ASB13: variants seen among roughly 807,000 people sequenced by gnomAD.
The protein encoded by ASB13 is ankyrin repeat and SOCS box protein 13.
ASB13 carries 33 observed loss-of-function variants against 28.8 expected under a neutral mutation model. The ratio of observed to expected loss-of-function variants is 1.15; its 90% CI spans 0.87 to 1.53. The LOEUF is 1.53. Ranked by LOEUF, ASB13 falls within the 40% of genes most tolerant of loss-of-function variation. The probability of loss-of-function intolerance (pLI) is 0.00; values close to 1 mark genes in which losing one functional copy is unlikely to be tolerated. For missense variants in ASB13, 414 were observed against 390.1 expected, an observed-to-expected ratio of 1.06 and a Z score of -0.52; for synonymous variants, 182 against 172.9, an observed-to-expected ratio of 1.05 and a Z score of -0.41.
In ASB13 at chr10:5,655,103, TA is replaced by T. The variant is rs75163537; in HGVS notation, c.44-2054del. ...GGCAACAAGAGTGAAACTCTGTCTTTAAAAAAAAAAAAAAAGTGTCTGCATC... is the reference window on the plus strand; with the variant it reads ...GGCAACAAGAGTGAAACTCTGTCTTTAAAAAAAAAAAAAAGTGTCTGCATC... On this transcript the variant is annotated intron_variant, in intron 1 of 5. Transcript: ENST00000357700. The surrounding 1 kb of genome is among the most constrained non-coding windows in gnomAD (Gnocchi z 6.2). Among the ~76,000 whole-genome samples, 1,780 of 140,420 alleles carry T rather than the reference TA, an allele frequency of 0.013. 19 individuals carry two copies. The highest frequency in any genetic ancestry group is 0.031 in the African/African-American group (1,201 of 38,358). The allele number at this position is 140,420 out of a possible 152,430, so 92.1% of individuals were successfully genotyped here.
At position 5,648,663 on chromosome 10, in the gene ASB13, C is replaced by T. The variant is rs187966960; in HGVS notation, c.517+307G>A. On this transcript the variant is annotated intron_variant, in intron 4 of 5. Coordinates refer to ENST00000357700, the MANE Select transcript of ASB13 (RefSeq NM_024701.4). ...ACACCCACGCGGGCAAACACCCACT[C>T]GGGCAAACACCCCCTCGGGTAAACA... Among the ~76,000 whole-genome samples the T allele has an allele frequency of 3.2e-3, 481 of 151,238 alleles. 1 individual carries two copies. Among genetic ancestry groups the T allele is most frequent in the South Asian group, 4.6e-3 (22 of 4,784 alleles).
rs1835126113 is a variant in ASB13 at position 5,659,544 on chromosome 10, T to TCCTTCC, written c.44-6500_44-6495dup. On this transcript the variant is annotated intron_variant, in intron 1 of 5. Transcript: ENST00000357700. This position sits in a 1 kb window ranked among gnomAD's most constrained non-coding sequence, Gnocchi z 5.8. ...AAGTCCCATGCTTTGCGTATGCTGT[T>TCCTTCC]CCTTCCCCTGCCTGGAAAGCTCTTC... Among the ~76,000 whole-genome samples, 1 of 152,180 alleles carries TCCTTCC rather than the reference T, an allele frequency of 6.6e-6. No individual in the cohort carries two copies. The highest frequency in any genetic ancestry group is 2.4e-5 in the African/African-American group (1 of 41,444).
rs1442972157 is a variant in ASB13, at chr10:5,663,995, G to A, written c.43+2514C>T. On this transcript the variant is annotated intron_variant, in intron 1 of 5. Transcript: ENST00000357700. The surrounding 1 kb of genome is among the most constrained non-coding windows in gnomAD (Gnocchi z 4.9). Reference sequence around the variant, plus strand: ...ACTCAACTGAGAGTACCTGGATGGGGAGACATAAATCCATATAAACAAGTA... The same window carrying A: ...ACTCAACTGAGAGTACCTGGATGGGAAGACATAAATCCATATAAACAAGTA... Among the ~76,000 whole-genome samples the A allele has an allele frequency of 6.6e-6, 1 of 152,106 alleles. No individual in the cohort carries two copies. Among genetic ancestry groups the A allele is most frequent in the Non-Finnish European group, 1.5e-5 (1 of 68,020 alleles).
intron 4 of ASB13, among the ~76,000 whole-genome samples, chr10:5,643,187 A>G (rs1037754334): frequency 6.6e-6 from 1 of 152,220 alleles, no homozygotes; most frequent in Admixed American, 6.5e-5. Context: ...CCACAAACAT[A>G]AAGTATTATC....
rs1834876737 is a variant in ASB13, at chr10:5,645,798, G to C, written c.517+3172C>G. Among the ~76,000 whole-genome samples the C allele has an allele frequency of 6.6e-6, 1 of 152,106 alleles. No individual in the cohort carries two copies. The highest frequency in any genetic ancestry group is 2.4e-5 in the African/African-American group (1 of 41,414). The stretch of plus-strand genomic sequence containing the variant: ...GAGACACGGTCCCTGGCTTTCCTTT[G>C]GTTTCCCGAGGGATCTGTGACCTGA... On this transcript the variant is annotated intron_variant, in intron 4 of 5. Coordinates refer to ENST00000357700, the MANE Select transcript of ASB13 (RefSeq NM_024701.4). The surrounding 1 kb of genome is among the most constrained non-coding windows in gnomAD (Gnocchi z 5.4).
Position 5,649,092 on chromosome 10 carries a change from C to T in ASB13, c.395G>A (p.Cys132Tyr), listed in dbSNP as rs931934295. The T allele has an allele frequency of 1.2e-6, 2 of 1,614,230 alleles. No homozygotes were observed. The highest frequency in any genetic ancestry group is 1.7e-6 in the Non-Finnish European group (2 of 1,180,034). The change falls in exon 4 of 6, where the codon TGT becomes TAT. Residue 132 changes from cysteine to tyrosine, a missense_variant. Transcript: ENST00000357700. This position sits in a 1 kb window ranked among gnomAD's most constrained non-coding sequence, Gnocchi z 6.4. ...HEACMSGSSE[C>Y]VRLLIDVGAN... ...CCCGACGTCAATAAGAAGCCTCACA[C>T]ATTCGGAACTCCCTTAAGATAAATG...
At chr10:5,653,398 C>A (rs1028987859) in intron 1 of ASB13, among the ~76,000 whole-genome samples, 4 of 152,222 alleles carry the variant, frequency 2.6e-5, no homozygotes, top group Non-Finnish European at 4.4e-5. Context: ...TGCCAATTGT[C>A]CACTCTGCAA....
chr10:5,654,234 G>T (rs543128605), intron 1 of ASB13, among the ~76,000 whole-genome samples: 11 of 150,800 alleles, frequency 7.3e-5, no homozygotes, highest in African/African-American at 1.2e-4. Flanking sequence ...AGGTGAGGGA[G>T]AGTCTGCGAA....
rs5782851 is a variant in ASB13, at chr10:5,652,026, C to CCACACACACACACACACACACACACACA, written c.232-691_232-664dup. Among the ~76,000 whole-genome samples, 1 of 59,150 alleles carries CCACACACACACACACACACACACACACA rather than the reference C, an allele frequency of 1.7e-5. No individual in the cohort carries two copies. Among genetic ancestry groups the CCACACACACACACACACACACACACACA allele is most frequent in the East Asian group, 1.1e-3 (1 of 906 alleles). 38.8% of individuals were successfully genotyped at this position (59,150 alleles called of 152,430 possible). ...CAAAAAAAAAAAAAAAAAAAAAAAA[C>CCACACACACACACACACACACACACACA]CACACACACACACACACACACACAC... On this transcript the variant is annotated intron_variant, in intron 2 of 5. Transcript: ENST00000357700. The surrounding 1 kb of genome is among the most constrained non-coding windows in gnomAD (Gnocchi z 5.0).
chr10:5,657,442 C>G (rs1404455741), intron 1 of ASB13, among the ~76,000 whole-genome samples: 2 of 151,998 alleles, frequency 1.3e-5, no homozygotes, highest in Non-Finnish European at 2.9e-5. Flanking sequence ...TTCAAGGTCA[C>G]TAATCATTAA....
Position 5,655,595 on chromosome 10 carries a change from A to C in ASB13, c.44-2545T>G, listed in dbSNP as rs1448050861. ...GAACTGAACCACAAAGGAAGATTCG[A>C]TCCCCACAAAATGTAAAAGTCAAGC... On this transcript the variant is annotated intron_variant, in intron 1 of 5. Coordinates refer to ENST00000357700, the MANE Select transcript of ASB13 (RefSeq NM_024701.4). This position sits in a 1 kb window ranked among gnomAD's most constrained non-coding sequence, Gnocchi z 6.2. Among the ~76,000 whole-genome samples the C allele has an allele frequency of 6.6e-6, 1 of 152,220 alleles. No individual in the cohort carries two copies. Among genetic ancestry groups the C allele is most frequent in the East Asian group, 1.9e-4 (1 of 5,196 alleles).
intron 4 of ASB13, 133 bp downstream of exon 4, chr10:5,648,837 C>G: frequency 6.6e-7 from 1 of 1,504,648 alleles, no homozygotes. Context: ...CAAACATCCA[C>G]TCCGGTAAAC....
In ASB13 at chr10:5,640,509, C is replaced by T. The variant is rs571536535; in HGVS notation, c.*194G>A. 5 of 666,846 alleles carry T rather than the reference C, an allele frequency of 7.5e-6. No individual in the cohort carries two copies. The highest frequency in any genetic ancestry group is 3.0e-5 in the East Asian group (1 of 33,318). The allele number at this position is 666,846 out of a possible 1,614,324, so 41.3% of individuals were successfully genotyped here. A position where few individuals can be genotyped will look rare whatever the true frequency, so the allele number is the denominator to read the frequency against. ...CCACACCCACAACTGTGACCTGAGACGCAGGCCTTCCCAACACCCTGGAAA... is the reference window on the plus strand; with the variant it reads ...CCACACCCACAACTGTGACCTGAGATGCAGGCCTTCCCAACACCCTGGAAA... On this transcript the variant is annotated 3_prime_UTR_variant, in exon 6 of 6. Coordinates refer to ENST00000357700, the MANE Select transcript of ASB13 (RefSeq NM_024701.4).
In ASB13 at chr10:5,641,894, A is replaced by G. The variant is rs1203334742; in HGVS notation, c.585T>C (p.Val195=). 2 of 1,614,134 alleles carry G rather than the reference A, an allele frequency of 1.2e-6. No homozygotes were observed. Among genetic ancestry groups the G allele is most frequent in the Non-Finnish European group, 1.7e-6 (2 of 1,179,974 alleles). ...ALHHAAKVKN[V]DLIEMLIEFG... ...ACTCGATAAGCATCTCGATGAGGTCAACATTCTTGACCTTGGCCGCGTGGT... is the reference window on the plus strand; with the variant it reads ...ACTCGATAAGCATCTCGATGAGGTCGACATTCTTGACCTTGGCCGCGTGGT... Residue 195 remains valine, a synonymous_variant, in exon 5 of 6, where the codon GTT becomes GTC. Coordinates refer to ENST00000357700, the MANE Select transcript of ASB13 (RefSeq NM_024701.4). The surrounding 1 kb of genome is among the most constrained non-coding windows in gnomAD (Gnocchi z 8.4).
intron 4 of ASB13, among the ~76,000 whole-genome samples, chr10:5,646,471 A>C (rs546081606): frequency 1.1e-4 from 17 of 152,180 alleles, no homozygotes; most frequent in Non-Finnish European, 1.6e-4. Context: ...TGTAGGCCTG[A>C]AGCCACTGCA....
chr10:5,643,887 A>T (rs1253197535), intron 4 of ASB13, among the ~76,000 whole-genome samples: 2 of 152,244 alleles, frequency 1.3e-5, no homozygotes, highest in Non-Finnish European at 2.9e-5. Flanking sequence ...ACGATCAGGG[A>T]GAAAACCATG....
intron 1 of ASB13, among the ~76,000 whole-genome samples, chr10:5,657,111 T>C (rs1261345076): frequency 2.0e-5 from 3 of 152,240 alleles, no homozygotes; most frequent in Non-Finnish European, 4.4e-5. Context: ...ATGCAACTTA[T>C]TTCTAGTGAA....
intron 5 of ASB13, 39 bp from the exon 6 acceptor site, chr10:5,640,869 A>G (rs538923848): frequency 6.2e-7 from 1 of 1,608,644 alleles, no homozygotes; most frequent in Admixed American, 1.7e-5. Flanking sequence ...GGTTAATTTC[A>G]GGAAGAAGCA....
intron 4 of ASB13, 123 bp downstream of exon 4, chr10:5,648,847 C>T (rs2131446618): frequency 6.6e-7 from 1 of 1,520,572 alleles, no homozygotes; most frequent in South Asian, 1.3e-5. Flanking sequence ...CTCCGGTAAA[C>T]ACCCACTCGG....
Sources: allele counts gnomAD v4.1 joint callset (sites outside exome capture counted in the v4.1 genomes callset), GRCh38; gene constraint gnomAD v4.1.1; non-coding constraint Gnocchi (gnomAD v3.1); transcripts MANE v1.5; gene names NCBI Gene and HGNC (gene_info 2026-07-23, HGNC 2026-07-21).